Variants in ADAP1 observed in about 807,000 individuals in gnomAD.
ADAP1 encodes the protein arf-GAP with dual PH domain-containing protein 1.
ADAP1 carries 31 observed loss-of-function variants against 54.9 expected under a neutral mutation model. That is an observed-to-expected ratio of 0.56 (90% CI 0.42 to 0.76). The LOEUF is 0.76. Among genes scored for constraint, ADAP1 ranks in the 30% least tolerant of loss-of-function variants. The pLI, the probability that ADAP1 is intolerant of heterozygous loss-of-function variation, is 0.00. For synonymous variants in ADAP1, 313 were observed against 202.6 expected (o/e 1.55, Z -4.63); for missense variants, 535 against 512.4 (o/e 1.04, Z -0.42).
In ADAP1 at chr7:903,282, C is replaced by T. The variant is rs73672460; in HGVS notation, c.648+844G>A. On this transcript the variant is annotated intron_variant, in intron 6 of 10. Transcript: ENST00000265846. ...CCCAGGGTCAGATGCCAGCGGAGCA[C>T]GGCAGGCAGGGGACGGGCACGTGGG... 1.1e-3 allele frequency among the ~76,000 whole-genome samples: 164 copies of T among 152,226 alleles called. 1 individual carries two copies. The highest frequency in any genetic ancestry group is 6.8e-3 in the Middle Eastern group (2 of 294).
At chr7:902,748 G>A (rs898966331) in intron 6 of ADAP1, among the ~76,000 whole-genome samples, 2 of 149,638 alleles carry the variant, frequency 1.3e-5, no homozygotes, top group African/African-American at 4.9e-5. Context: ...GGCCACCCTG[G>A]GCCTGTACCC....
intron 2 of ADAP1, among the ~76,000 whole-genome samples, chr7:929,528 A>AAC (rs1583172411): frequency 6.7e-6 from 1 of 149,004 alleles, no homozygotes; most frequent in African/African-American, 2.5e-5. Context: ...AAAAAAAAAA[A>AAC]AAAAAAACAA....
intron 4 of ADAP1, among the ~76,000 whole-genome samples, chr7:907,072 G>A (rs1027274403): frequency 5.9e-5 from 9 of 152,094 alleles, no homozygotes; most frequent in Non-Finnish European, 1.0e-4. Context: ...TCAGCCGTCC[G>A]CAGCTGCTGG....
At chr7:930,200 G>C (rs1846525484) in intron 2 of ADAP1, among the ~76,000 whole-genome samples, 1 of 147,626 alleles carries the variant, frequency 6.8e-6, no homozygotes. Context: ...TGACCACTTT[G>C]ACTATGTCGA....
intron 6 of ADAP1, 170 bp from the exon 7 acceptor site, chr7:900,786 C>G (rs1368043495): frequency 1.5e-6 from 1 of 659,334 alleles, no homozygotes; most frequent in Non-Finnish European, 2.7e-6. Context: ...CCCCTGTGCC[C>G]ACGCTGAGGC....
intron 4 of ADAP1, among the ~76,000 whole-genome samples, chr7:914,095 C>T (rs753125746): frequency 6.6e-6 from 1 of 152,232 alleles, no homozygotes; most frequent in South Asian, 2.1e-4. Context: ...ACAACCCGGC[C>T]ATTTCCACCC....
In ADAP1 at chr7:900,629, G is replaced by GTGGGCACAGGCT. The variant is rs1554270289; in HGVS notation, c.649-25_649-14dup. The GTGGGCACAGGCT allele has an allele frequency of 2.5e-6, 4 of 1,594,740 alleles. No individual in the cohort carries two copies. The highest frequency in any genetic ancestry group is 3.4e-6 in the Non-Finnish European group (4 of 1,172,868). Reference sequence around the variant, plus strand: ...AGTCCACAATCTCCTAGGGGCAAAGGTGGGCACAGGCTTGGGCTGAGGAGG... The same window carrying GTGGGCACAGGCT: ...AGTCCACAATCTCCTAGGGGCAAAGGTGGGCACAGGCTTGGGCACAGGCTTGGGCTGAGGAGG... On this transcript the variant is annotated splice_polypyrimidine_tract_variant and intron_variant, in intron 6 of 10. Coordinates refer to ENST00000265846, the MANE Select transcript of ADAP1 (RefSeq NM_006869.4).
At chr7:954,683 C>G, upstream of ADAP1, 2 of 981,772 alleles carry the variant, frequency 2.0e-6, no homozygotes, top group Non-Finnish European at 1.2e-6. Context: ...GAGCGAGTGC[C>G]GGCGCGGGGC....
At chr7:932,368 A>C (rs952938714) in intron 2 of ADAP1, among the ~76,000 whole-genome samples, 1 of 110,288 alleles carries the variant, frequency 9.1e-6, no homozygotes, top group African/African-American at 3.2e-5. Flanking sequence ...GGGTTTTTCC[A>C]ACAACAGTGA....
intron 8 of ADAP1, among the ~76,000 whole-genome samples, chr7:899,856 G>A (rs567398474): frequency 3.3e-5 from 5 of 152,156 alleles, no homozygotes; most frequent in East Asian, 3.9e-4. Context: ...CCCTGGCCGC[G>A]CAGGTGCACG....
intron 5 of ADAP1, 31 bp downstream of exon 5, chr7:905,029 G>C (rs1442231632): frequency 4.4e-6 from 7 of 1,593,282 alleles, no homozygotes; most frequent in South Asian, 1.1e-5. Flanking sequence ...CCCTGGGACA[G>C]GCCCCCACCC....
Position 916,527 on chromosome 7 carries a change from C to T in ADAP1, c.388+3441G>A, listed in dbSNP as rs546925182. The stretch of plus-strand genomic sequence containing the variant: ...CTACAAATTGCTAAGATGTTTCTGC[C>T]GAGGGAAACGGAGGGGCTCTGGGGT... On this transcript the variant is annotated intron_variant, in intron 4 of 10. Transcript: ENST00000265846. Among the ~76,000 whole-genome samples, 23 of 152,202 alleles carry T rather than the reference C, an allele frequency of 1.5e-4. No homozygotes were observed. In the East Asian group the frequency reaches 2.5e-3, roughly 17 times the overall value.
At chr7:915,827 G>A (rs903568331) in intron 4 of ADAP1, among the ~76,000 whole-genome samples, 7 of 151,246 alleles carry the variant, frequency 4.6e-5, no homozygotes, top group South Asian at 2.1e-4. Flanking sequence ...CCGACGAGAC[G>A]CTGTCTGCCA....
At chr7:900,473 T>TCCC in intron 7 of ADAP1, 60 bp downstream of exon 7, 2 of 1,486,586 alleles carry the variant, frequency 1.3e-6, no homozygotes, top group South Asian at 1.2e-5. Context: ...GAGGGCTCCG[T>TCCC]CCACCCCCCA....
At chr7:941,108 T>C (rs375525741) in intron 1 of ADAP1, among the ~76,000 whole-genome samples, 1 of 152,068 alleles carries the variant, frequency 6.6e-6, no homozygotes, top group Non-Finnish European at 1.5e-5. Flanking sequence ...GTTGGCAAAA[T>C]GCAACATCCT....
At chr7:935,093 C>T (rs1470703887) in intron 2 of ADAP1, 4 of 572,690 alleles carry the variant, frequency 7.0e-6, no homozygotes, top group African/African-American at 1.9e-5. Context: ...CTCCGGAGCT[C>T]CCAGGGCACG....
chr7:919,916 G>GAGATGGGGGAGGGAGGGAA, intron 4 of ADAP1, 52 bp downstream of exon 4: 6 of 1,377,710 alleles, frequency 4.4e-6, no homozygotes, highest in Non-Finnish European at 5.9e-6. Flanking sequence ...GAGGGAGGGA[G>GAGATGGGGGAGGGAGGGAA]AGAGCCAGGG....
chr7:905,492 A>T (rs868327291), intron 4 of ADAP1: 4 of 4,708 alleles, frequency 8.5e-4, no homozygotes, highest in Admixed American at 3.2e-3. Context: ...GAGAAAGGAG[A>T]AGGGAGAAGG....
At chr7:954,164 G>A (rs1847332413) in intron 1 of ADAP1, among the ~76,000 whole-genome samples, 2 of 151,596 alleles carry the variant, frequency 1.3e-5, no homozygotes, top group African/African-American at 2.4e-5. Context: ...GTTTCCGGGG[G>A]TCCTGGGGGG....
Sources: gnomAD v4.1 joint callset for allele counts (sites outside exome capture counted in the v4.1 genomes callset) on GRCh38, gnomAD v4.1.1 for gene constraint, MANE v1.5 for transcripts, NCBI Gene and HGNC (gene_info 2026-07-23, HGNC 2026-07-21) for gene names.